Variants in MFSD12 observed in about 807,000 individuals in gnomAD.
MFSD12 encodes the protein major facilitator superfamily domain containing 12.
A neutral mutation model predicts 51.2 loss-of-function variants in MFSD12; 67 were observed. That is an observed-to-expected ratio of 1.31 (90% CI 1.08 to 1.60). The LOEUF (loss-of-function observed/expected upper bound fraction) is 1.60. Among genes scored for constraint, MFSD12 ranks in the 40% most tolerant of loss-of-function variants. MFSD12 has a pLI of 0.00. For synonymous variants in MFSD12, 441 were observed against 316.7 expected (o/e 1.39, Z -4.17); for missense variants, 921 against 673.0 (o/e 1.37, Z -4.08).
Position 3,544,298 on chromosome 19 carries a change from T to C in MFSD12, c.*412A>G. 1 of 1,280,582 alleles carries C rather than the reference T, an allele frequency of 7.8e-7. No individual in the cohort carries two copies. Among genetic ancestry groups the C allele is most frequent in the Non-Finnish European group, 9.9e-7 (1 of 1,013,680 alleles). The allele number at this position is 1,280,582 out of a possible 1,614,324, so 79.3% of individuals were successfully genotyped here. On this transcript the variant is annotated 3_prime_UTR_variant, in exon 10 of 10. Transcript: ENST00000355415. ...GGTCCAGGCCCAGCCCACCACCCCG[T>C]GGCTGTCTCCTCCAGGCTCCAGCCG...
intron 1 of MFSD12, among the ~76,000 whole-genome samples, chr19:3,556,830 C>T (rs1175145335): frequency 9.4e-6 from 1 of 106,430 alleles, no homozygotes; most frequent in Non-Finnish European, 2.1e-5. Flanking sequence ...ATGGAGGAAG[C>T]TCAGGCCATG....
intron 4 of MFSD12, 76 bp downstream of exon 4, chr19:3,547,772 G>A (rs749036510): frequency 6.5e-5 from 94 of 1,435,940 alleles, no homozygotes; most frequent in Non-Finnish European, 7.8e-5. Flanking sequence ...GCGTCTGGAC[G>A]CAGCTGCCCC....
rs561956122 is a variant in MFSD12, at chr19:3,551,308, C to G, written c.299-114G>C. 6.3e-6 allele frequency: 5 copies of G among 796,756 alleles called. No individual in the cohort carries two copies. Among genetic ancestry groups the G allele is most frequent in the East Asian group, 2.7e-5 (1 of 36,684 alleles). 49.4% of individuals were successfully genotyped at this position (796,756 alleles called of 1,614,324 possible). On this transcript the variant is annotated intron_variant, in intron 1 of 9. Coordinates refer to ENST00000355415, the MANE Select transcript of MFSD12 (RefSeq NM_174983.5). This position sits in a 1 kb window ranked among gnomAD's most constrained non-coding sequence, Gnocchi z 4.6. Reference sequence around the variant, plus strand: ...CTGAGGCACAGATGGAGACGCCCCCCGCATGCACACAGTCACGCAGGAGCG... The same window carrying G: ...CTGAGGCACAGATGGAGACGCCCCCGGCATGCACACAGTCACGCAGGAGCG...
intron 6 of MFSD12, 23 bp downstream of exon 6, chr19:3,547,249 G>A (rs758133873): frequency 1.2e-6 from 2 of 1,602,728 alleles, no homozygotes; most frequent in Non-Finnish European, 1.7e-6. Context: ...CGCCCCAGCT[G>A]TCCCCGGTCC....
At chr19:3,543,800 G>A (rs1176182406), downstream of MFSD12, 6 of 1,501,660 alleles carry the variant, frequency 4.0e-6, no homozygotes, top group South Asian at 1.3e-5. Flanking sequence ...GGAGGTGGGG[G>A]CACATGGTGA....
intron 4 of MFSD12, chr19:3,539,029 G>A (rs949672436): frequency 6.3e-6 from 4 of 637,156 alleles, no homozygotes; most frequent in African/African-American, 1.8e-5. Flanking sequence ...TACTCAGAAC[G>A]ACTCTCCAGC....
chr19:3,542,917 G>C (rs2030542906), downstream of MFSD12: 1 of 1,442,144 alleles, frequency 6.9e-7, no homozygotes, highest in Non-Finnish European at 9.3e-7. Flanking sequence ...AAGGACTGTA[G>C]GAATCCAGGA....
In MFSD12 at chr19:3,546,689, G is replaced by A. The variant is rs577460812; in HGVS notation, c.1024-264C>T. Among the ~76,000 whole-genome samples, 11 of 152,334 alleles carry A rather than the reference G, an allele frequency of 7.2e-5. No individual in the cohort carries two copies. The South Asian group carries it at 1.0e-3, about 14-fold the overall frequency. Reference sequence around the variant, plus strand: ...GTCAGTTACAACGAAAGCAAACGACGGACTCGGCTCAGTCCCCACGGCCAC... The same window carrying A: ...GTCAGTTACAACGAAAGCAAACGACAGACTCGGCTCAGTCCCCACGGCCAC... On this transcript the variant is annotated intron_variant, in intron 6 of 9. Transcript: ENST00000355415.
At chr19:3,545,559 A>G (rs555363316) in intron 8 of MFSD12, among the ~76,000 whole-genome samples, 1 of 152,288 alleles carries the variant, frequency 6.6e-6, no homozygotes, top group African/African-American at 2.4e-5. Context: ...ACCTCCTCCA[A>G]GAAGCCCTCC....
chr19:3,544,066 CCT>C, downstream of MFSD12: 1 of 1,475,728 alleles, frequency 6.8e-7, no homozygotes, highest in Non-Finnish European at 9.1e-7. Flanking sequence ...GGGGCACTAA[CCT>C]AGTCCCAGGG....
chr19:3,553,152 C>T (rs912775529), intron 1 of MFSD12, among the ~76,000 whole-genome samples: 1 of 152,062 alleles, frequency 6.6e-6, no homozygotes, highest in African/African-American at 2.4e-5. Context: ...GGAGGTCATC[C>T]GGGGGCAGAG....
intron 6 of MFSD12, among the ~76,000 whole-genome samples, 183 bp from the exon 7 acceptor site, chr19:3,546,608 GCTCT>G (rs1486374543): frequency 6.6e-6 from 1 of 152,258 alleles, no homozygotes; most frequent in African/African-American, 2.4e-5. Context: ...CCAGAGCTGT[GCTCT>G]CTGTCCACGC....
At chr19:3,542,386 T>G (rs2030488581), downstream of MFSD12, 1 of 985,288 alleles carries the variant, frequency 1.0e-6, no homozygotes, top group African/African-American at 1.7e-5. Flanking sequence ...TGCTAGACTG[T>G]CTTGGGGCCA....
chr19:3,538,629 G>T, exon 5 of MFSD12: 1 of 394,986 alleles, frequency 2.5e-6, no homozygotes, highest in Non-Finnish European at 5.1e-6. Context: ...ACCTCCTTGT[G>T]GCTGAGTCTC....
At chr19:3,547,627 G>A in intron 4 of MFSD12, 80 bp from the exon 5 acceptor site, 1 of 1,351,608 alleles carries the variant, frequency 7.4e-7, no homozygotes, top group South Asian at 1.3e-5. Flanking sequence ...ACCGGGGCCA[G>A]GGTGGGCGCC....
chr19:3,544,667 G>T lies in MFSD12; in HGVS notation c.*43C>A, dbSNP rs150041717. On this transcript the variant is annotated 3_prime_UTR_variant, in exon 10 of 10. Coordinates refer to ENST00000355415, the MANE Select transcript of MFSD12 (RefSeq NM_174983.5). ...AAGGCCCTGGGGGGCATCCTCGTGC[G>T]TCCCCACAGTTCCCTTGCACAGGTG... 1.6e-5 allele frequency: 25 copies of T among 1,559,860 alleles called. No homozygotes were observed. The African/African-American group carries it at 3.2e-4, about 20-fold the overall frequency.
chr19:3,539,180 G>C, intron 4 of MFSD12: 1 of 1,549,982 alleles, frequency 6.5e-7, no homozygotes, highest in Non-Finnish European at 8.7e-7. Flanking sequence ...AGGCAGACAT[G>C]CAAACCCTCA....
At position 3,544,911 on chromosome 19, in the gene MFSD12, T is replaced by C; in HGVS notation, c.1318A>G (p.Ser440Gly). 1 of 1,610,894 alleles carries C rather than the reference T, an allele frequency of 6.2e-7. No individual in the cohort carries two copies. Among genetic ancestry groups the C allele is most frequent in the Non-Finnish European group, 8.5e-7 (1 of 1,179,320 alleles). ...GCCACCATCGCCCAGTGGTAAAAGC[T>C]CACGCAGGCCCTGCAGCAGAGCTCT... ...PSELCCRACV[S>G]FYHWAMVAVT... The change falls in exon 9 of 10, where the codon AGC (serine) becomes GGC (glycine). Residue 440 changes from serine to glycine, a missense_variant. Transcript: ENST00000355415.
chr19:3,550,525 G>A (rs2031413505), intron 2 of MFSD12, among the ~76,000 whole-genome samples: 1 of 151,778 alleles, frequency 6.6e-6, no homozygotes, highest in Non-Finnish European at 1.5e-5. Context: ...CCGAGTAGCT[G>A]GGACTACAGG....
Sources: gnomAD v4.1 joint callset for allele counts (sites outside exome capture counted in the v4.1 genomes callset) on GRCh38, gnomAD v4.1.1 for gene constraint, Gnocchi (gnomAD v3.1) non-coding constraint, MANE v1.5 for transcripts, NCBI Gene and HGNC (gene_info 2026-07-23, HGNC 2026-07-21) for gene names.